GPC6: variants seen among roughly 807,000 people sequenced by gnomAD.
GPC6 encodes the protein glypican-6.
GPC6 carries 14 observed loss-of-function variants against 55.2 expected under a neutral mutation model. The ratio of observed to expected loss-of-function variants is 0.25; its 90% CI spans 0.17 to 0.40. GPC6 has a LOEUF of 0.40. Ranked by LOEUF, GPC6 falls within the 10% of genes least tolerant of loss-of-function variation. GPC6 has a pLI of 1.00. For synonymous variants in GPC6, 278 were observed against 259.6 expected (o/e 1.07, Z -0.68); for missense variants, 641 against 708.5 (o/e 0.90, Z 1.08).
intron 2 of GPC6, among the ~76,000 whole-genome samples, chr13:93,734,556 T>C (rs969738911): frequency 6.6e-6 from 1 of 152,200 alleles, no homozygotes; most frequent in African/African-American, 2.4e-5. Context: ...TTCATTGCTT[T>C]TTTATCCAAG....
chr13:93,828,988 C>T (rs1202686925), intron 2 of GPC6, among the ~76,000 whole-genome samples: 1 of 152,040 alleles, frequency 6.6e-6, no homozygotes, highest in Non-Finnish European at 1.5e-5. Context: ...AGAGAATACC[C>T]AGAACCCCAG....
chr13:93,231,401 A>G lies in GPC6; in HGVS notation c.160+3785A>G, dbSNP rs574799613. Among the ~76,000 whole-genome samples, 67 of 29,564 alleles carry G rather than the reference A, an allele frequency of 2.3e-3. 1 individual carries two copies. Among genetic ancestry groups the G allele is most frequent in the African/African-American group, 8.8e-3 (53 of 6,032 alleles). 19.4% of individuals were successfully genotyped at this position (29,564 alleles called of 152,430 possible). ...TATACATATATATATATATATGTAT[A>G]TATATATATATATATATATATACGT... On this transcript the variant is annotated intron_variant, in intron 1 of 8. Transcript: ENST00000377047.
intron 3 of GPC6, among the ~76,000 whole-genome samples, chr13:93,883,338 A>G (rs970069161): frequency 2.6e-5 from 4 of 152,076 alleles, no homozygotes; most frequent in African/African-American, 7.2e-5. Flanking sequence ...GAATGGCTCT[A>G]TTAATTTGCA....
intron 1 of GPC6, among the ~76,000 whole-genome samples, chr13:93,295,953 T>C (rs986887179): frequency 6.6e-6 from 1 of 152,178 alleles, no homozygotes; most frequent in Admixed American, 6.5e-5. Flanking sequence ...GCTCAAGTGC[T>C]GGGATTACAG....
At chr13:94,100,182 A>G (rs1487175015) in intron 4 of GPC6, among the ~76,000 whole-genome samples, 1 of 152,244 alleles carries the variant, frequency 6.6e-6, no homozygotes, top group Admixed American at 6.5e-5. Context: ...AGACTCAAAT[A>G]GGTTAAGCTG....
intron 2 of GPC6, among the ~76,000 whole-genome samples, chr13:93,723,967 A>G (rs1201529711): frequency 6.6e-6 from 1 of 151,924 alleles, no homozygotes; most frequent in Admixed American, 6.6e-5. Context: ...TGAATGGTTC[A>G]TATTTGTGTT....
intron 4 of GPC6, among the ~76,000 whole-genome samples, chr13:94,233,184 C>T (rs1174411225): frequency 2.0e-5 from 3 of 151,448 alleles, no homozygotes; most frequent in Non-Finnish European, 4.4e-5. Flanking sequence ...TATTTAAAAG[C>T]GCTAGAGGAA....
chr13:93,563,235 C>T (rs1035119062), intron 2 of GPC6, among the ~76,000 whole-genome samples: 5 of 152,082 alleles, frequency 3.3e-5, no homozygotes, highest in African/African-American at 4.8e-5. Flanking sequence ...TAAGCTTGAC[C>T]TGTTCACATC....
intron 2 of GPC6, among the ~76,000 whole-genome samples, chr13:93,756,908 G>C (rs148376316): frequency 1.5e-4 from 23 of 152,250 alleles, no homozygotes; most frequent in African/African-American, 5.5e-4. Flanking sequence ...CTTCCAAAGA[G>C]ATGTAAAATT....
chr13:93,369,096 G>T (rs1336893521), intron 1 of GPC6, among the ~76,000 whole-genome samples: 1 of 152,022 alleles, frequency 6.6e-6, no homozygotes, highest in East Asian at 1.9e-4. Flanking sequence ...AGAAGAGAGA[G>T]GGGTGCCTCA....
At chr13:93,451,857 T>G (rs1283921750) in intron 1 of GPC6, among the ~76,000 whole-genome samples, 1 of 152,198 alleles carries the variant, frequency 6.6e-6, no homozygotes, top group Non-Finnish European at 1.5e-5. Context: ...GTTAATGCAT[T>G]TAATTACTAT....
At chr13:93,342,006 C>T (rs1483154867) in intron 1 of GPC6, among the ~76,000 whole-genome samples, 1 of 151,132 alleles carries the variant, frequency 6.6e-6, no homozygotes, top group East Asian at 1.9e-4. Context: ...GTAGCTGGGA[C>T]TCCAGGTGTC....
chr13:94,396,668 A>G (rs147938878), intron 7 of GPC6, among the ~76,000 whole-genome samples: 1 of 152,364 alleles, frequency 6.6e-6, no homozygotes, highest in Non-Finnish European at 1.5e-5. Context: ...GCACTATGCA[A>G]GGAAAACCTG....
intron 1 of GPC6, among the ~76,000 whole-genome samples, chr13:93,462,639 A>G (rs571634916): frequency 3.0e-5 from 3 of 99,622 alleles, no homozygotes; most frequent in South Asian, 8.1e-4. Flanking sequence ...GTAAAAATTG[A>G]AAAAAAAAAC....
At chr13:94,332,775 A>G (rs1315426230) in intron 6 of GPC6, among the ~76,000 whole-genome samples, 1 of 152,212 alleles carries the variant, frequency 6.6e-6, no homozygotes, top group East Asian at 1.9e-4. Context: ...GGTGGTTTTC[A>G]CTGAATTGAC....
At chr13:94,290,870 G>C (rs1405251820) in intron 5 of GPC6, among the ~76,000 whole-genome samples, 1 of 152,156 alleles carries the variant, frequency 6.6e-6, no homozygotes, top group African/African-American at 2.4e-5. Context: ...ACATATCTTT[G>C]TAAGAAATGT....
At chr13:93,744,528 C>CTTTTGTTTTTTTTT (rs1884320847) in intron 2 of GPC6, among the ~76,000 whole-genome samples, 1 of 97,208 alleles carries the variant, frequency 1.0e-5, no homozygotes, top group Non-Finnish European at 1.9e-5. Flanking sequence ...TTTCCCTAGT[C>CTTTTGTTTTTTTTT]TTTTTTTTTT....
chr13:94,387,012 T>C (rs893357840), intron 7 of GPC6, among the ~76,000 whole-genome samples: 1 of 152,210 alleles, frequency 6.6e-6, no homozygotes, highest in Non-Finnish European at 1.5e-5. Flanking sequence ...CTCCAGTGAT[T>C]ATCTTATTTT....
At chr13:93,271,694 T>C (rs1877533097) in intron 1 of GPC6, among the ~76,000 whole-genome samples, 1 of 152,192 alleles carries the variant, frequency 6.6e-6, no homozygotes, top group African/African-American at 2.4e-5. Flanking sequence ...TCAGTAATAC[T>C]ATTTATTAGA....
Sources: allele counts gnomAD v4.1 joint callset (sites outside exome capture counted in the v4.1 genomes callset), GRCh38; gene constraint gnomAD v4.1.1; transcripts MANE v1.5; gene names NCBI Gene and HGNC (gene_info 2026-07-23, HGNC 2026-07-21).